Variants in ZCCHC7 observed in about 807,000 individuals in gnomAD.
ZCCHC7 encodes zinc finger CCHC domain-containing protein 7.
A neutral mutation model predicts 52.0 loss-of-function variants in ZCCHC7; 35 were observed. That is an observed-to-expected ratio of 0.67 (90% CI 0.51 to 0.89). The LOEUF (loss-of-function observed/expected upper bound fraction) is 0.89. Ranked by LOEUF, ZCCHC7 falls within the 40% of genes least tolerant of loss-of-function variation. The pLI, the probability that ZCCHC7 is intolerant of heterozygous loss-of-function variation, is 0.00. For synonymous variants in ZCCHC7, 217 were observed against 221.5 expected, an observed-to-expected ratio of 0.98 and a Z score of 0.18; for missense variants, 574 against 649.1, an observed-to-expected ratio of 0.88 and a Z score of 1.26.
At chr9:37,346,667 G>A (rs1166404455) in intron 6 of ZCCHC7, among the ~76,000 whole-genome samples, 3 of 152,084 alleles carry the variant, frequency 2.0e-5, no homozygotes, top group East Asian at 1.9e-4. Flanking sequence ...AAAGCGAGAC[G>A]CTGTCTCAAA....
chr9:37,310,958 T>A (rs1334241863), intron 5 of ZCCHC7, among the ~76,000 whole-genome samples: 46 of 132,822 alleles, frequency 3.5e-4, no homozygotes, highest in Admixed American at 7.3e-4. Context: ...CTCTCTCTTT[T>A]TAAAAAAAAA....
intron 1 of ZCCHC7, among the ~76,000 whole-genome samples, chr9:37,123,190 GGTGTGTGTGTGTGTGTGTGT>G (rs58690804): frequency 6.7e-6 from 1 of 148,712 alleles, no homozygotes; most frequent in Non-Finnish European, 1.5e-5. Flanking sequence ...CTGAGTCAAG[GGTGTGTGTGTGTGTGTGTGT>G]GTGTGTGTGT....
chr9:37,154,313 G>A (rs1315176429), intron 2 of ZCCHC7, among the ~76,000 whole-genome samples: 4 of 152,140 alleles, frequency 2.6e-5, no homozygotes, highest in African/African-American at 9.7e-5. Context: ...AATAATGCAT[G>A]TGATGAACTT....
rs1433795984 is a variant in ZCCHC7, at chr9:37,319,019, A to AT, written c.952-8774dup. On this transcript the variant is annotated intron_variant, in intron 5 of 8. Coordinates refer to ENST00000336755, the MANE Select transcript of ZCCHC7 (RefSeq NM_032226.3). ...TGTCAGGAATTATAGATGTTTTATC[A>AT]TTTTTTGCTTTTTATTTCTATTGAT... Among the ~76,000 whole-genome samples, 18 of 151,464 alleles carry AT rather than the reference A, an allele frequency of 1.2e-4. 1 individual carries two copies. In the South Asian group the frequency reaches 1.2e-3, roughly 11 times the overall value.
At chr9:37,158,908 T>C (rs1820950453) in intron 2 of ZCCHC7, among the ~76,000 whole-genome samples, 1 of 152,204 alleles carries the variant, frequency 6.6e-6, no homozygotes, top group Non-Finnish European at 1.5e-5. Context: ...TGTATTATAG[T>C]ATGCCACAGC....
In ZCCHC7 at chr9:37,290,638, C is replaced by T. The variant is rs535503743; in HGVS notation, c.611-11550C>T. On this transcript the variant is annotated intron_variant, in intron 2 of 8. Coordinates refer to ENST00000336755, the MANE Select transcript of ZCCHC7 (RefSeq NM_032226.3). Reference sequence around the variant, plus strand: ...TGGGGCTGTTGTACTCCAGCCAGAGCGACAGAGTGAGACTCTGTCTCCAAA... The same window carrying T: ...TGGGGCTGTTGTACTCCAGCCAGAGTGACAGAGTGAGACTCTGTCTCCAAA... Among the ~76,000 whole-genome samples, 16 of 152,138 alleles carry T rather than the reference C, an allele frequency of 1.1e-4. No homozygotes were observed. The East Asian group carries it at 2.3e-3, about 22-fold the overall frequency.
At chr9:37,148,133 T>C (rs931471181) in intron 2 of ZCCHC7, among the ~76,000 whole-genome samples, 6 of 152,112 alleles carry the variant, frequency 3.9e-5, no homozygotes, top group African/African-American at 1.2e-4. Flanking sequence ...TGATACTGAT[T>C]GGGAACAAAG....
chr9:37,347,282 C>T (rs1305129420), intron 6 of ZCCHC7, among the ~76,000 whole-genome samples: 1 of 152,182 alleles, frequency 6.6e-6, no homozygotes, highest in African/African-American at 2.4e-5. Flanking sequence ...TCCACCAAAT[C>T]CCCTTCCTGG....
rs769206290 is a variant in ZCCHC7, at chr9:37,126,420, G to A, written c.88G>A (p.Glu30Lys). The change falls in exon 2 of 9, where the codon GAG becomes AAG. Residue 30 changes from glutamate to lysine, a missense_variant. Glu to Lys is a moderately conservative substitution (Grantham distance 56). Coordinates refer to ENST00000336755, the MANE Select transcript of ZCCHC7 (RefSeq NM_032226.3). ...ESSSELSVDS[E>K]VEFQLYSQIH... ...ATCTAGTGAACTGAGTGTTGATAGTGAGGTGGAATTTCAACTCTATAGCCA... is the reference window on the plus strand; with the variant it reads ...ATCTAGTGAACTGAGTGTTGATAGTAAGGTGGAATTTCAACTCTATAGCCA... 3.1e-6 allele frequency: 5 copies of A among 1,614,062 alleles called. No homozygotes were observed. The highest frequency in any genetic ancestry group is 4.2e-6 in the Non-Finnish European group (5 of 1,180,018).
At chr9:37,263,433 A>G (rs541112859) in intron 2 of ZCCHC7, among the ~76,000 whole-genome samples, 45 of 152,132 alleles carry the variant, frequency 3.0e-4, no homozygotes, top group African/African-American at 1.1e-3. Flanking sequence ...GTACCTTGCT[A>G]CTAGTTGCTA....
At chr9:37,348,343 GTTCGTTCTTTCTTTCTTTCTTTCT>G (rs796337871) in intron 6 of ZCCHC7, among the ~76,000 whole-genome samples, 7 of 100,160 alleles carry the variant, frequency 7.0e-5, no homozygotes, top group African/African-American at 2.3e-4. Flanking sequence ...AGTGATACCA[GTTCGTTCTTTCTTTCTTTCTTTCT>G]TTCTTTCTTT....
chr9:37,315,585 C>T (rs1227631758), intron 5 of ZCCHC7, among the ~76,000 whole-genome samples: 2 of 151,816 alleles, frequency 1.3e-5, no homozygotes, highest in African/African-American at 4.8e-5. Context: ...GAAAAATATA[C>T]ATCCTAAGAA....
intron 3 of ZCCHC7, 35 bp from the exon 4 acceptor site, chr9:37,304,153 C>G (rs1290567224): frequency 6.3e-7 from 1 of 1,576,818 alleles, no homozygotes; most frequent in Non-Finnish European, 8.6e-7. Context: ...AGCAGTGAAA[C>G]AATTTTTTTA....
chr9:37,279,220 A>AG (rs1266334150), intron 2 of ZCCHC7, among the ~76,000 whole-genome samples: 1 of 152,070 alleles, frequency 6.6e-6, no homozygotes, highest in Non-Finnish European at 1.5e-5. Context: ...AAAAAAAAAA[A>AG]GTAACATTGG....
chr9:37,278,837 G>A (rs531138396), intron 2 of ZCCHC7, among the ~76,000 whole-genome samples: 39 of 152,172 alleles, frequency 2.6e-4, no homozygotes, highest in African/African-American at 8.7e-4. Context: ...TTCTACATCC[G>A]GCAGAAATAT....
At chr9:37,130,221 G>C (rs1351950785) in intron 2 of ZCCHC7, among the ~76,000 whole-genome samples, 1 of 140,064 alleles carries the variant, frequency 7.1e-6, no homozygotes, top group African/African-American at 2.8e-5. Flanking sequence ...CTGGGTGATG[G>C]AGTGAGACTG....
At chr9:37,318,139 C>A (rs1487794024) in intron 5 of ZCCHC7, among the ~76,000 whole-genome samples, 1 of 151,252 alleles carries the variant, frequency 6.6e-6, no homozygotes, top group East Asian at 1.9e-4. Flanking sequence ...TAGATGCAAC[C>A]CAAATATTTG....
At chr9:37,182,501 A>G (rs1822416940) in intron 2 of ZCCHC7, among the ~76,000 whole-genome samples, 1 of 152,052 alleles carries the variant, frequency 6.6e-6, no homozygotes, top group Non-Finnish European at 1.5e-5. Flanking sequence ...AGTAGCCAGG[A>G]TTACAGGCAC....
intron 2 of ZCCHC7, among the ~76,000 whole-genome samples, chr9:37,252,767 TTAAG>T (rs1289763407): frequency 2.0e-5 from 3 of 152,170 alleles, no homozygotes; most frequent in East Asian, 1.9e-4. Flanking sequence ...TGAGAGAACA[TTAAG>T]TGAGGACAAA....
Sources: gnomAD v4.1 joint callset for allele counts (sites outside exome capture counted in the v4.1 genomes callset) on GRCh38, gnomAD v4.1.1 for gene constraint, MANE v1.5 for transcripts, NCBI Gene and HGNC (gene_info 2026-07-23, HGNC 2026-07-21) for gene names.